ANKS1B: variants seen among roughly 807,000 people sequenced by gnomAD.
The protein encoded by ANKS1B is ankyrin repeat and sterile alpha motif domain containing 1B.
Under a neutral mutation model 148.3 loss-of-function variants are expected in ANKS1B, and 36 were observed. The ratio of observed to expected loss-of-function variants is 0.24; its 90% CI spans 0.19 to 0.32. ANKS1B has a LOEUF of 0.32. Among genes scored for constraint, ANKS1B ranks in the 10% least tolerant of loss-of-function variants. ANKS1B has a pLI of 1.00. For missense variants in ANKS1B, 1,157 were observed against 1,542.6 expected (o/e 0.75, Z 4.19); for synonymous variants, 542 against 560.8 (o/e 0.97, Z 0.47).
rs775373511 is a variant in ANKS1B at position 99,128,925 on chromosome 12, G to C, written c.2526+25364C>G. Reference sequence around the variant, plus strand: ...TGGAGAATAGAGCCACTCTTTGACTGGAAGCTTGGAGGATGATTGTGAGTA... The same window carrying C: ...TGGAGAATAGAGCCACTCTTTGACTCGAAGCTTGGAGGATGATTGTGAGTA... On this transcript the variant is annotated intron_variant, in intron 15 of 26. Transcript: ENST00000683438. Among the ~76,000 whole-genome samples, 3 of 152,184 alleles carry C rather than the reference G, an allele frequency of 2.0e-5. 1 individual carries two copies. Among genetic ancestry groups the C allele is most frequent in the Non-Finnish European group, 4.4e-5 (3 of 68,032 alleles).
intron 1 of ANKS1B, among the ~76,000 whole-genome samples, chr12:99,843,969 T>C (rs55722332): frequency 6.6e-6 from 1 of 152,120 alleles, no homozygotes; most frequent in Non-Finnish European, 1.5e-5. Context: ...TGGTATCTCA[T>C]GTCGTTTAGA....
intron 1 of ANKS1B, among the ~76,000 whole-genome samples, chr12:99,894,347 A>AGAAAAGAAAG: frequency 6.7e-6 from 1 of 149,328 alleles, no homozygotes; most frequent in Non-Finnish European, 1.5e-5. Flanking sequence ...AGAAAAGAAA[A>AGAAAAGAAAG]GAAAAAAGAA....
At position 98,915,844 on chromosome 12, in the gene ANKS1B, G is replaced by A. The variant is rs116752634; in HGVS notation, c.2779-83708C>T. Reference sequence around the variant, plus strand: ...TTGCCAGAAACACACCATGGTGAACGGGCAGAACCAAGACTCAAATCCAGC... The same window carrying A: ...TTGCCAGAAACACACCATGGTGAACAGGCAGAACCAAGACTCAAATCCAGC... On this transcript the variant is annotated intron_variant, in intron 17 of 26. Transcript: ENST00000683438. Among the ~76,000 whole-genome samples, 485 of 152,278 alleles carry A rather than the reference G, an allele frequency of 3.2e-3. 2 individuals are homozygous for A. The highest frequency in any genetic ancestry group is 0.011 in the African/African-American group (452 of 41,550).
At chr12:99,401,962 C>T (rs959320963) in intron 11 of ANKS1B, among the ~76,000 whole-genome samples, 2 of 146,436 alleles carry the variant, frequency 1.4e-5, no homozygotes, top group African/African-American at 2.6e-5. Context: ...CTATGACTGC[C>T]CTCGTACTAT....
intron 8 of ANKS1B, among the ~76,000 whole-genome samples, chr12:99,730,301 C>CA (rs2059009758): frequency 6.9e-6 from 1 of 145,362 alleles, no homozygotes; most frequent in Non-Finnish European, 1.5e-5. Flanking sequence ...TCCCTCCAGG[C>CA]AAAATCTCAA....
At chr12:99,334,345 A>G (rs1332959688) in intron 12 of ANKS1B, among the ~76,000 whole-genome samples, 1 of 152,080 alleles carries the variant, frequency 6.6e-6, no homozygotes, top group Non-Finnish European at 1.5e-5. Context: ...ATGCTTTAAT[A>G]TTAATACTTA....
intron 14 of ANKS1B, among the ~76,000 whole-genome samples, chr12:99,202,551 T>C (rs1477111007): frequency 6.6e-6 from 1 of 152,218 alleles, no homozygotes. Context: ...GAACACTTCT[T>C]TGGATAAAGT....
intron 12 of ANKS1B, among the ~76,000 whole-genome samples, chr12:99,280,848 CT>C (rs1602368321): frequency 6.6e-6 from 1 of 150,518 alleles, no homozygotes. Context: ...AAATCTCTCT[CT>C]CTCTCTCTCT....
rs189820121 is a variant in ANKS1B at position 98,844,376 on chromosome 12, T to C, written c.2779-12240A>G. Among the ~76,000 whole-genome samples the C allele has an allele frequency of 4.7e-4, 72 of 152,282 alleles. No homozygotes were observed. In the East Asian group the frequency reaches 0.012, roughly 26 times the overall value. ...TTTTGATTAAGCCCAGTTTCTGAAATGGAAGGGCTGAGCCCTCCCCTGGAA... is the reference window on the plus strand; with the variant it reads ...TTTTGATTAAGCCCAGTTTCTGAAACGGAAGGGCTGAGCCCTCCCCTGGAA... On this transcript the variant is annotated intron_variant, in intron 17 of 26. Transcript: ENST00000683438.
intron 17 of ANKS1B, among the ~76,000 whole-genome samples, chr12:98,836,729 T>C (rs891558778): frequency 3.3e-5 from 5 of 152,320 alleles, no homozygotes; most frequent in Middle Eastern, 3.4e-3. Context: ...TTCTGTGTTT[T>C]CGTTACTGTT....
At chr12:99,921,247 G>C (rs905540535) in intron 1 of ANKS1B, among the ~76,000 whole-genome samples, 1 of 152,116 alleles carries the variant, frequency 6.6e-6, no homozygotes, top group East Asian at 1.9e-4. Context: ...ATGATAGTGA[G>C]TGAGTTCTCA....
chr12:99,949,644 C>G (rs1055389116), intron 1 of ANKS1B, among the ~76,000 whole-genome samples: 2 of 152,148 alleles, frequency 1.3e-5, no homozygotes, highest in South Asian at 4.1e-4. Context: ...ACAAAAAAGA[C>G]AGCCAAGTCC....
At chr12:99,131,962 G>A (rs2066231566) in intron 15 of ANKS1B, among the ~76,000 whole-genome samples, 1 of 152,096 alleles carries the variant, frequency 6.6e-6, no homozygotes, top group Non-Finnish European at 1.5e-5. Context: ...TCTCTGGTTG[G>A]TGTCTGATGC....
At chr12:99,291,725 T>G (rs1269906319) in intron 12 of ANKS1B, among the ~76,000 whole-genome samples, 5 of 151,944 alleles carry the variant, frequency 3.3e-5, no homozygotes, top group Non-Finnish European at 5.9e-5. Context: ...ATCTCTCACC[T>G]TATAAAAAAT....
intron 10 of ANKS1B, 94 bp from the exon 11 acceptor site, chr12:99,443,903 C>A: frequency 2.2e-6 from 3 of 1,379,084 alleles, no homozygotes; most frequent in Non-Finnish European, 3.0e-6. Context: ...GAGATTTCAA[C>A]TTTTAAAACT....
In ANKS1B at chr12:98,913,747, C is replaced by T. The variant is rs144316735; in HGVS notation, c.2779-81611G>A. On this transcript the variant is annotated intron_variant, in intron 17 of 26. Transcript: ENST00000683438. ...GGTTAAAGTGATTCTCCTGCCTCAG[C>T]CTCCCGAGTAGCTACGATGACAGAC... Among the ~76,000 whole-genome samples the T allele has an allele frequency of 5.3e-4, 80 of 152,268 alleles. 5 individuals are homozygous for T. In the East Asian group the frequency reaches 0.015, roughly 29 times the overall value.
intron 21 of ANKS1B, among the ~76,000 whole-genome samples, chr12:98,800,613 T>G (rs1316425013): frequency 2.0e-5 from 3 of 149,982 alleles, no homozygotes; most frequent in African/African-American, 7.5e-5. Context: ...GAAAAGAATC[T>G]GGTATTTACA....
chr12:99,949,187 C>A (rs1296852935), intron 1 of ANKS1B, among the ~76,000 whole-genome samples: 1 of 152,200 alleles, frequency 6.6e-6, no homozygotes, highest in Admixed American at 6.5e-5. Context: ...CAAACTCAGT[C>A]TCTCCCAAAG....
At chr12:99,332,595 G>A (rs2087789848) in intron 12 of ANKS1B, among the ~76,000 whole-genome samples, 1 of 151,430 alleles carries the variant, frequency 6.6e-6, no homozygotes, top group Admixed American at 6.6e-5. Context: ...CTGGCACTGG[G>A]ATTACAGGAG....
Sources: gnomAD v4.1 joint callset for allele counts (sites outside exome capture counted in the v4.1 genomes callset) on GRCh38, gnomAD v4.1.1 for gene constraint, MANE v1.5 for transcripts, NCBI Gene and HGNC (gene_info 2026-07-23, HGNC 2026-07-21) for gene names.